Variants in NRG3 observed in about 807,000 individuals in gnomAD.
NRG3 encodes neuregulin 3.
A neutral mutation model predicts 66.9 loss-of-function variants in NRG3; 31 were observed. The observed-to-expected ratio is 0.46, with a 90% CI of 0.35 to 0.63. The LOEUF (loss-of-function observed/expected upper bound fraction) is 0.63. Among genes scored for constraint, NRG3 ranks in the 20% least tolerant of loss-of-function variants. The pLI is 0.00. For missense variants in NRG3, 910 were observed against 878.9 expected (o/e 1.04, Z -0.45); for synonymous variants, 393 against 359.4 (o/e 1.09, Z -1.06).
intron 2 of NRG3, among the ~76,000 whole-genome samples, chr10:82,728,468 T>A (rs1250611417): frequency 2.6e-5 from 4 of 152,224 alleles, no homozygotes; most frequent in Non-Finnish European, 5.9e-5. Flanking sequence ...TCTTTTTACC[T>A]GCTACCATCC....
chr10:81,938,041 A>G (rs966361365), intron 1 of NRG3, among the ~76,000 whole-genome samples: 4 of 152,094 alleles, frequency 2.6e-5, no homozygotes, highest in Non-Finnish European at 5.9e-5. Flanking sequence ...GTTGAATATC[A>G]TTTGGTCATA....
intron 2 of NRG3, among the ~76,000 whole-genome samples, chr10:82,723,735 T>C (rs2057435074): frequency 1.3e-5 from 2 of 152,098 alleles, no homozygotes; most frequent in East Asian, 3.9e-4. Flanking sequence ...ATCCCAGCAC[T>C]TTGGGAGGCC....
intron 2 of NRG3, among the ~76,000 whole-genome samples, chr10:82,458,138 A>AG (rs1218826287): frequency 6.6e-6 from 1 of 152,136 alleles, no homozygotes; most frequent in African/African-American, 2.4e-5. Context: ...AGTTCCAGAC[A>AG]GGCTCTTCAC....
intron 1 of NRG3, among the ~76,000 whole-genome samples, chr10:82,039,155 TA>T (rs1419900758): frequency 6.6e-6 from 1 of 152,170 alleles, no homozygotes; most frequent in Non-Finnish European, 1.5e-5. Context: ...TCATTAGTTA[TA>T]TTTTACAACC....
At chr10:82,272,347 G>A (rs1056940419) in intron 1 of NRG3, among the ~76,000 whole-genome samples, 17 of 152,092 alleles carry the variant, frequency 1.1e-4, no homozygotes, top group Non-Finnish European at 1.9e-4. Context: ...TTAAAAATCA[G>A]TGCTGGAGGG....
intron 3 of NRG3, among the ~76,000 whole-genome samples, chr10:82,742,955 A>ACATAAT (rs2058490542): frequency 6.6e-6 from 1 of 152,072 alleles, no homozygotes; most frequent in Non-Finnish European, 1.5e-5. Context: ...CAAGATCCTG[A>ACATAAT]CATAATCACC....
chr10:82,962,179 C>A (rs983575321), intron 6 of NRG3, among the ~76,000 whole-genome samples: 1 of 152,150 alleles, frequency 6.6e-6, no homozygotes, highest in Non-Finnish European at 1.5e-5. Flanking sequence ...CATCTAGTCC[C>A]TACCATTGTT....
chr10:82,076,128 A>G (rs971947997), intron 1 of NRG3, among the ~76,000 whole-genome samples: 1 of 152,288 alleles, frequency 6.6e-6, no homozygotes, highest in East Asian at 1.9e-4. Context: ...GACATCTTCT[A>G]GTTAGGGCAG....
At chr10:82,866,575 C>A (rs17100973) in intron 4 of NRG3, among the ~76,000 whole-genome samples, 2 of 152,140 alleles carry the variant, frequency 1.3e-5, no homozygotes, top group South Asian at 2.1e-4. Context: ...TGCAGGCTTG[C>A]GGTTTTGTTG....
At chr10:81,918,022 C>T (rs1393565975) in intron 1 of NRG3, among the ~76,000 whole-genome samples, 1 of 152,202 alleles carries the variant, frequency 6.6e-6, no homozygotes, top group Admixed American at 6.5e-5. Flanking sequence ...TTATCTTTGT[C>T]ATCCGAATCC....
chr10:81,875,913 G>C lies in NRG3; in HGVS notation c.573G>C (p.Ala191=). The change falls in exon 1 of 9, where the codon GCG becomes GCC. Residue 191 remains alanine, a synonymous_variant. Transcript: ENST00000372141. This position sits in a 1 kb window ranked among gnomAD's most constrained non-coding sequence, Gnocchi z 5.3. The part of the protein sequence containing the change: ...STTARNTAAP[A]TVPSTTAPFF... The stretch of plus-strand genomic sequence containing the variant: ...CAGCACGGAACACTGCGGCCCCTGC[G>C]ACGGTCCCGTCCACCACGGCCCCGT... The C allele has an allele frequency of 6.2e-7, 1 of 1,613,058 alleles. No individual in the cohort carries two copies. Among genetic ancestry groups the C allele is most frequent in the Non-Finnish European group, 8.5e-7 (1 of 1,179,990 alleles).
At chr10:82,727,767 C>T (rs2057684236) in intron 2 of NRG3, among the ~76,000 whole-genome samples, 1 of 152,110 alleles carries the variant, frequency 6.6e-6, no homozygotes, top group South Asian at 2.1e-4. Context: ...CAATTGCTTG[C>T]ACTGTGCACC....
At chr10:82,853,693 T>G (rs2063672669) in intron 3 of NRG3, among the ~76,000 whole-genome samples, 1 of 152,192 alleles carries the variant, frequency 6.6e-6, no homozygotes, top group Non-Finnish European at 1.5e-5. Context: ...GTTCTAGGCA[T>G]TTTTTGGATG....
rs534511678 is a variant in NRG3, at chr10:82,558,672, C to T, written c.954-179905C>T. 2.4e-4 allele frequency among the ~76,000 whole-genome samples: 36 copies of T among 152,254 alleles called. No homozygotes were observed. The South Asian group carries it at 2.5e-3, about 11-fold the overall frequency. ...TGCATGACAACTCATAATGCAAAGA[C>T]GTCAAATTCGCATTTCTCTAAAGTA... On this transcript the variant is annotated intron_variant, in intron 2 of 8. Coordinates refer to ENST00000372141, the MANE Select transcript of NRG3 (RefSeq NM_001010848.4).
intron 1 of NRG3, among the ~76,000 whole-genome samples, chr10:82,100,968 A>C (rs1447504952): frequency 6.6e-6 from 1 of 152,016 alleles, no homozygotes. Flanking sequence ...GAAATGATCG[A>C]GGTCTGGAGT....
At chr10:82,694,874 C>T (rs968386468) in intron 2 of NRG3, among the ~76,000 whole-genome samples, 2 of 152,078 alleles carry the variant, frequency 1.3e-5, no homozygotes, top group Non-Finnish European at 2.9e-5. Context: ...TTCATACAAC[C>T]TCATTGAACA....
At chr10:82,286,076 C>A (rs1464027399) in intron 1 of NRG3, among the ~76,000 whole-genome samples, 1 of 152,118 alleles carries the variant, frequency 6.6e-6, no homozygotes, top group African/African-American at 2.4e-5. Flanking sequence ...AGAACTAAAT[C>A]CACCTGTGTG....
chr10:82,880,525 T>C (rs1323708083), intron 4 of NRG3, among the ~76,000 whole-genome samples: 1 of 152,178 alleles, frequency 6.6e-6, no homozygotes, highest in Non-Finnish European at 1.5e-5. Flanking sequence ...CAGATCAAAA[T>C]GTCTCTAAAG....
At chr10:82,724,519 G>C (rs2057485452) in intron 2 of NRG3, among the ~76,000 whole-genome samples, 1 of 152,164 alleles carries the variant, frequency 6.6e-6, no homozygotes, top group African/African-American at 2.4e-5. Flanking sequence ...TGTTGAATGA[G>C]GGTTTGGCAA....
Sources: allele counts gnomAD v4.1 joint callset (sites outside exome capture counted in the v4.1 genomes callset), GRCh38; gene constraint gnomAD v4.1.1; non-coding constraint Gnocchi (gnomAD v3.1); transcripts MANE v1.5; gene names NCBI Gene and HGNC (gene_info 2026-07-23, HGNC 2026-07-21).